VPS13D: variants seen among roughly 807,000 people sequenced by gnomAD.
VPS13D encodes the protein vacuolar protein sorting 13 homolog D, also known as intermembrane lipid transfer protein VPS13D.
A neutral mutation model predicts 461.9 loss-of-function variants in VPS13D; 187 were observed. The observed-to-expected ratio is 0.40, with a 90% CI of 0.36 to 0.46. VPS13D has a LOEUF of 0.46. Ranked by LOEUF, VPS13D falls within the 20% of genes least tolerant of loss-of-function variation. VPS13D has a pLI of 0.60. For missense variants in VPS13D, 4,711 were observed against 5,364.9 expected (o/e 0.88, Z 3.81); for synonymous variants, 1,951 against 1,986.3 (o/e 0.98, Z 0.47).
chr1:12,234,765 TAGAC>T (rs1279121027), intron 2 of VPS13D, among the ~76,000 whole-genome samples: 1 of 152,226 alleles, frequency 6.6e-6, no homozygotes, highest in Non-Finnish European at 1.5e-5. Context: ...CTCAGTTTCT[TAGAC>T]AGAGATAATA....
At chr1:12,501,625 T>C (rs1292616223) in intron 68 of VPS13D, among the ~76,000 whole-genome samples, 2 of 152,272 alleles carry the variant, frequency 1.3e-5, no homozygotes, top group Non-Finnish European at 2.9e-5. Flanking sequence ...TGAGACAGAC[T>C]AACGCATACA....
intron 67 of VPS13D, among the ~76,000 whole-genome samples, chr1:12,493,368 A>AG (rs1447659899): frequency 6.6e-6 from 1 of 151,730 alleles, no homozygotes; most frequent in East Asian, 1.9e-4. Flanking sequence ...CTCTAATCCC[A>AG]GCTACTCGGG....
intron 30 of VPS13D, 82 bp from the exon 31 acceptor site, chr1:12,317,990 A>G: frequency 6.9e-7 from 1 of 1,450,534 alleles, no homozygotes; most frequent in Non-Finnish European, 9.3e-7. Flanking sequence ...CCACCTGCCA[A>G]AACTGAGCAG....
chr1:12,298,516 C>T (rs760175400), intron 24 of VPS13D, among the ~76,000 whole-genome samples: 1 of 151,780 alleles, frequency 6.6e-6, no homozygotes, highest in South Asian at 2.1e-4. Context: ...GGCACGTGCC[C>T]GTAATCCCAG....
At chr1:12,415,247 G>A (rs773434676) in intron 64 of VPS13D, 26 bp downstream of exon 64, 1 of 1,613,676 alleles carries the variant, frequency 6.2e-7, no homozygotes. Flanking sequence ...GTAATCATTG[G>A]CTGGAGCATA....
chr1:12,428,126 G>A (rs1027457286), intron 65 of VPS13D, among the ~76,000 whole-genome samples: 2 of 152,172 alleles, frequency 1.3e-5, no homozygotes, highest in African/African-American at 2.4e-5. Context: ...TTGGGGATGA[G>A]GGAGAATCCC....
At chr1:12,244,803 G>C (rs1640494622) in intron 5 of VPS13D, among the ~76,000 whole-genome samples, 186 bp downstream of exon 5, 1 of 152,182 alleles carries the variant, frequency 6.6e-6, no homozygotes, top group South Asian at 2.1e-4. Flanking sequence ...CAAGTCCTAG[G>C]CTCTGTGGCA....
At chr1:12,320,205 T>C (rs1043982201) in intron 32 of VPS13D, among the ~76,000 whole-genome samples, 1 of 152,220 alleles carries the variant, frequency 6.6e-6, no homozygotes, top group Non-Finnish European at 1.5e-5. Flanking sequence ...ATGAAGAAGA[T>C]AATTTGTGTT....
rs774494444 is a variant in VPS13D at position 12,283,039 on chromosome 1, A to T, written c.4937A>T (p.Lys1646Met). 6.2e-7 allele frequency: 1 copy of T among 1,614,048 alleles called. No individual in the cohort carries two copies. Among genetic ancestry groups the T allele is most frequent in the East Asian group, 2.2e-5 (1 of 44,898 alleles). Residue 1646 changes from lysine (K) to methionine (M), a missense_variant, in exon 21 of 70, where the codon AAG becomes ATG. Transcript: ENST00000620676. Reference sequence around the variant, plus strand: ...GGGGCCCAAGGTCTTGTGAGCTTAAAGTTTCAGGACTTTGAGGTGGAATTC... The same window carrying T: ...GGGGCCCAAGGTCTTGTGAGCTTAATGTTTCAGGACTTTGAGGTGGAATTC... ...TLGAQGLVSL[K>M]FQDFEVEFSK...
At position 12,276,226 on chromosome 1, in the gene VPS13D, C is replaced by A; in HGVS notation, c.2638C>A (p.Pro880Thr). 1 of 1,613,860 alleles carries A rather than the reference C, an allele frequency of 6.2e-7. No individual in the cohort carries two copies. Among genetic ancestry groups the A allele is most frequent in the African/African-American group, 1.3e-5 (1 of 74,946 alleles). Residue 880 changes from proline to threonine, a missense_variant, in exon 19 of 70, where the codon CCA becomes ACA. Pro to Thr is a conservative substitution (Grantham distance 38). Coordinates refer to ENST00000620676, the MANE Select transcript of VPS13D (RefSeq NM_015378.4). The surrounding 1 kb of genome is among the most constrained non-coding windows in gnomAD (Gnocchi z 4.5). ...YPGAVLSGNL[P>T]DLKIHINEDK... ...AGGAGCCGTGCTCTCAGGCAACTTA[C>A]CAGACTTAAAAATCCACATTAATGA... is the stretch of plus-strand genomic sequence containing the variant.
At chr1:12,310,913 C>T (rs1569872890) in intron 27 of VPS13D, among the ~76,000 whole-genome samples, 1 of 136,020 alleles carries the variant, frequency 7.4e-6, no homozygotes, top group Admixed American at 7.6e-5. Flanking sequence ...CCCTCCTTCC[C>T]TCCCTCTCTC....
intron 21 of VPS13D, among the ~76,000 whole-genome samples, chr1:12,287,637 G>T (rs924778013): frequency 2.0e-5 from 3 of 152,132 alleles, no homozygotes; most frequent in African/African-American, 4.8e-5. Context: ...CTTTTTAATA[G>T]TTACAATTAC....
chr1:12,323,610 C>T (rs1007934301), intron 34 of VPS13D, 96 bp from the exon 35 acceptor site: 27 of 1,222,454 alleles, frequency 2.2e-5, no homozygotes, highest in Non-Finnish European at 9.3e-6. Flanking sequence ...GTTTTAGTCA[C>T]GGGTTTTTAA....
Position 12,311,910 on chromosome 1 carries a change from C to G in VPS13D, c.6920C>G (p.Ala2307Gly). Residue 2307 changes from alanine to glycine, a missense_variant, in exon 29 of 70, where the codon GCT becomes GGT. Physicochemically the swap from Ala to Gly is moderately conservative, Grantham distance 60. Coordinates refer to ENST00000620676, the MANE Select transcript of VPS13D (RefSeq NM_015378.4). ...ELKDPKRKEG[A>G]GSLARFDFKK... ...AAAGATCCAAAAAGAAAAGAAGGTG[C>G]TGGGTCCCTAGCCAGGTATGCCTTT... The G allele has an allele frequency of 6.2e-7, 1 of 1,613,858 alleles. No homozygotes were observed. The highest frequency in any genetic ancestry group is 1.7e-5 in the Admixed American group (1 of 59,994).
At chr1:12,414,757 A>G (rs1268736249) in intron 63 of VPS13D, among the ~76,000 whole-genome samples, 2 of 152,224 alleles carry the variant, frequency 1.3e-5, no homozygotes, top group Admixed American at 1.3e-4. Context: ...TTTGATTAGT[A>G]TACTTTTCTG....
intron 52 of VPS13D, among the ~76,000 whole-genome samples, chr1:12,364,499 C>T (rs1391428127): frequency 1.3e-5 from 2 of 152,150 alleles, no homozygotes; most frequent in South Asian, 2.1e-4. Flanking sequence ...GGGTATAGAT[C>T]CAGGTGTGGA....
At position 12,400,314 on chromosome 1, in the gene VPS13D, T is replaced by C. The variant is rs1644558265; in HGVS notation, c.11768T>C (p.Leu3923Pro). The change falls in exon 61 of 70, where the codon CTG (leucine) becomes CCG (proline). Residue 3923 changes from leucine to proline, a missense_variant. By Grantham distance (98) the Leu-to-Pro change is moderately conservative. Transcript: ENST00000620676. ...NAVKFPSKSA[L>P]TNIYKHLMIT... ...GTGAAGTTCCCCAGTAAGAGTGCAC[T>C]GACCAACATCTACAAGGTGGGCTGG... The C allele has an allele frequency of 1.5e-5, 25 of 1,614,128 alleles. No individual in the cohort carries two copies. The highest frequency in any genetic ancestry group is 2.2e-5 in the East Asian group (1 of 44,874).
rs1182873479 is a variant in VPS13D at position 12,403,798 on chromosome 1, G to T, written c.11882-27G>T. ...TCATGAGACTAAGAAATTCTTTTTTGTTTTTTTAATTCTTCCTTTGTACCA... is the reference window on the plus strand; with the variant it reads ...TCATGAGACTAAGAAATTCTTTTTTTTTTTTTTAATTCTTCCTTTGTACCA... On this transcript the variant is annotated intron_variant, in intron 62 of 69. Coordinates refer to ENST00000620676, the MANE Select transcript of VPS13D (RefSeq NM_015378.4). The T allele has an allele frequency of 7.1e-6, 11 of 1,554,140 alleles. No individual in the cohort carries two copies. The Admixed American group carries it at 1.3e-4, about 18-fold the overall frequency.
intron 20 of VPS13D, among the ~76,000 whole-genome samples, chr1:12,282,480 C>CTCTT (rs1210665330): frequency 2.6e-5 from 4 of 152,164 alleles, no homozygotes; most frequent in Admixed American, 2.6e-4. Context: ...ACTTATTGAA[C>CTCTT]TCTTATTGTA....
Sources: gnomAD v4.1 joint callset for allele counts (sites outside exome capture counted in the v4.1 genomes callset) on GRCh38, gnomAD v4.1.1 for gene constraint, Gnocchi (gnomAD v3.1) non-coding constraint, MANE v1.5 for transcripts, NCBI Gene and HGNC (gene_info 2026-07-23, HGNC 2026-07-21) for gene names.